Variants in TVP23B observed in about 807,000 individuals in gnomAD.
TVP23B encodes the protein trans-golgi network vesicle protein 23 homolog B, also known as Golgi apparatus membrane protein TVP23 homolog B.
Under a neutral mutation model 30.6 loss-of-function variants are expected in TVP23B, and 10 were observed. That is an observed-to-expected ratio of 0.33 (90% CI 0.20 to 0.55). The LOEUF (loss-of-function observed/expected upper bound fraction) is 0.55, where lower values mean the gene tolerates loss of function less well. Ranked by LOEUF, TVP23B falls within the 20% of genes least tolerant of loss-of-function variation. The pLI, the probability that TVP23B is intolerant of heterozygous loss-of-function variation, is 0.91. For missense variants in TVP23B, 153 were observed against 243.2 expected, an observed-to-expected ratio of 0.63 and a Z score of 2.47; for synonymous variants, 67 against 83.1, an observed-to-expected ratio of 0.81 and a Z score of 1.06.
rs1380068809 is a variant in TVP23B at position 18,781,220 on chromosome 17, C to T, written c.-74C>T. ...CCTGCTGGCCCTTGGTGACGGGTCGCCTCAGTTCCGACCCGGACCCGTACG... is the reference window on the plus strand; with the variant it reads ...CCTGCTGGCCCTTGGTGACGGGTCGTCTCAGTTCCGACCCGGACCCGTACG... On this transcript the variant is annotated 5_prime_UTR_variant, in exon 1 of 7. Transcript: ENST00000307767. 7.1e-6 allele frequency: 11 copies of T among 1,548,114 alleles called. No homozygotes were observed. In the African/African-American group the frequency reaches 1.2e-4, roughly 17 times the overall value.
At chr17:18,787,797 T>C (rs12601515) in intron 1 of TVP23B, among the ~76,000 whole-genome samples, 67,620 of 151,312 alleles carry the variant, frequency 0.45, 13,899 homozygotes, top group Non-Finnish European at 0.48. Context: ...TGATCTTCTA[T>C]GCTTTATGTG....
intron 2 of TVP23B, among the ~76,000 whole-genome samples, chr17:18,790,450 C>T (rs1378435217): frequency 5.8e-5 from 7 of 120,488 alleles, no homozygotes; most frequent in South Asian, 2.5e-4. Flanking sequence ...GGCGACGGAG[C>T]GAGACTCCGT....
At chr17:18,783,232 A>C (rs1224819413) in intron 1 of TVP23B, among the ~76,000 whole-genome samples, 1 of 151,826 alleles carries the variant, frequency 6.6e-6, no homozygotes, top group African/African-American at 2.4e-5. Flanking sequence ...CACCCTCCAG[A>C]GTAGCTGGGA....
At chr17:18,796,374 T>G (rs1329300087) in intron 3 of TVP23B, 3 of 152,202 alleles carry the variant, frequency 2.0e-5, no homozygotes, top group Non-Finnish European at 2.9e-5. Context: ...AGAAACCCCA[T>G]CTCTACTAAA....
At chr17:18,784,789 T>C (rs2035874489) in intron 1 of TVP23B, among the ~76,000 whole-genome samples, 1 of 152,250 alleles carries the variant, frequency 6.6e-6, no homozygotes, top group Admixed American at 6.5e-5. Context: ...GCTCACCTTA[T>C]GTTCCTTGGT....
chr17:18,788,547 T>G (rs903506952), intron 1 of TVP23B, among the ~76,000 whole-genome samples: 7 of 152,070 alleles, frequency 4.6e-5, no homozygotes, highest in Non-Finnish European at 8.8e-5. Context: ...TTTGGGAGGC[T>G]GAGGCGGACA....
rs577911098 is a variant in TVP23B at position 18,801,416 on chromosome 17, G to GT, written c.462+2476dup. ...CTGTCCAGCCCTTCTCTTTCTGCTG[G>GT]TTTAGTGCGGGTGAATCCCCCTTGA... On this transcript the variant is annotated intron_variant, in intron 5 of 6. Transcript: ENST00000307767. 2.7e-3 allele frequency among the ~76,000 whole-genome samples: 414 copies of GT among 152,016 alleles called. 2 individuals carry two copies. Among genetic ancestry groups the GT allele is most frequent in the African/African-American group, 9.2e-3 (383 of 41,454 alleles).
intron 2 of TVP23B, among the ~76,000 whole-genome samples, chr17:18,790,150 T>C (rs1186237284): frequency 1.3e-5 from 2 of 152,142 alleles, no homozygotes; most frequent in Non-Finnish European, 2.9e-5. Context: ...ATGTGAATTA[T>C]ATCTCAAAAA....
chr17:18,799,549 C>T (rs1411827902), intron 5 of TVP23B, among the ~76,000 whole-genome samples: 1 of 152,180 alleles, frequency 6.6e-6, no homozygotes, highest in Non-Finnish European at 1.5e-5. Flanking sequence ...AGCATCGCTT[C>T]TGCTGCCCAC....
At chr17:18,785,228 A>C (rs1403730477) in intron 1 of TVP23B, among the ~76,000 whole-genome samples, 1 of 152,154 alleles carries the variant, frequency 6.6e-6, no homozygotes, top group Admixed American at 6.5e-5. Flanking sequence ...ACTCCAATGG[A>C]TCTCCCTTTC....
intron 1 of TVP23B, among the ~76,000 whole-genome samples, chr17:18,783,092 G>GTATTT: frequency 1.3e-5 from 1 of 78,240 alleles, no homozygotes; most frequent in African/African-American, 4.3e-5. Flanking sequence ...TTTATTTATT[G>GTATTT]ATTGATTGAT....
At chr17:18,799,398 CAT>C (rs1194234023) in intron 5 of TVP23B, among the ~76,000 whole-genome samples, 4 of 152,068 alleles carry the variant, frequency 2.6e-5, no homozygotes, top group East Asian at 1.9e-4. Flanking sequence ...GGCCTCTCCA[CAT>C]GTTTTTCCCT....
chr17:18,785,446 C>T (rs1402946873), intron 1 of TVP23B, among the ~76,000 whole-genome samples: 1 of 150,034 alleles, frequency 6.7e-6, no homozygotes, highest in Non-Finnish European at 1.5e-5. Context: ...TTGGTAGGCA[C>T]TCAGTATTTA....
intron 3 of TVP23B, chr17:18,796,137 T>C (rs1221056183): frequency 6.6e-6 from 1 of 151,616 alleles, no homozygotes; most frequent in Non-Finnish European, 1.5e-5. Context: ...ATGAAAAATG[T>C]CTGTGGTTTC....
intron 3 of TVP23B, among the ~76,000 whole-genome samples, chr17:18,794,738 A>G (rs1049588754): frequency 1.3e-5 from 2 of 151,870 alleles, no homozygotes; most frequent in Non-Finnish European, 2.9e-5. Flanking sequence ...AAATACCTAT[A>G]GAAGAGACCT....
chr17:18,792,219 A>G (rs1299505194), intron 3 of TVP23B, among the ~76,000 whole-genome samples: 1 of 151,966 alleles, frequency 6.6e-6, no homozygotes, highest in Non-Finnish European at 1.5e-5. Context: ...TATTTTTAGT[A>G]CAGACGGGGT....
At position 18,804,140 on chromosome 17, in the gene TVP23B, G is replaced by T. The variant is rs376339317; in HGVS notation, c.465G>T (p.Ala155=). The T allele has an allele frequency of 6.2e-7, 1 of 1,613,846 alleles. No individual in the cohort carries two copies. Among genetic ancestry groups the T allele is most frequent in the Non-Finnish European group, 8.5e-7 (1 of 1,179,814 alleles). Reference sequence around the variant, plus strand: ...GATTATTTTTTCCCTTGTCCCAGGCGGTGGTTATCATGGGTGTGGTGCTAC... The same window carrying T: ...GATTATTTTTTCCCTTGTCCCAGGCTGTGGTTATCATGGGTGTGGTGCTAC... The part of the protein sequence containing the change: ...ALFSFRVKWL[A]VVIMGVVLQG... The change falls in exon 6 of 7, where the codon GCG becomes GCT. Residue 155 remains alanine (A), a splice_region_variant and synonymous_variant. Coordinates refer to ENST00000307767, the MANE Select transcript of TVP23B (RefSeq NM_016078.6).
chr17:18,797,913 C>G, intron 4 of TVP23B, among the ~76,000 whole-genome samples: 1 of 151,986 alleles, frequency 6.6e-6, no homozygotes, highest in Non-Finnish European at 1.5e-5. Context: ...ATACAGTGTG[C>G]TAAGCTGCCT....
intron 3 of TVP23B, among the ~76,000 whole-genome samples, chr17:18,793,190 A>G (rs1438118507): frequency 6.6e-6 from 1 of 152,138 alleles, no homozygotes; most frequent in Admixed American, 6.6e-5. Flanking sequence ...GAAGATAAAG[A>G]AGAGGTAGAG....
Sources: gnomAD v4.1 joint callset for allele counts (sites outside exome capture counted in the v4.1 genomes callset) on GRCh38, gnomAD v4.1.1 for gene constraint, MANE v1.5 for transcripts, NCBI Gene and HGNC (gene_info 2026-07-23, HGNC 2026-07-21) for gene names.